CNTN4: variants seen among roughly 807,000 people sequenced by gnomAD.
CNTN4 encodes the protein contactin 4, also known as contactin-4.
Under a neutral mutation model 122.5 loss-of-function variants are expected in CNTN4, and 77 were observed. The ratio of observed to expected loss-of-function variants is 0.63; its 90% CI spans 0.52 to 0.76. The LOEUF (loss-of-function observed/expected upper bound fraction) is 0.76. Ranked by LOEUF, CNTN4 falls within the 30% of genes least tolerant of loss-of-function variation. CNTN4 has a pLI of 0.00. For missense variants in CNTN4, 1,256 were observed against 1,259.1 expected, an observed-to-expected ratio of 1.00 and a Z score of 0.04; for synonymous variants, 512 against 447.0, an observed-to-expected ratio of 1.15 and a Z score of -1.83.
chr3:2,651,370 C>G (rs1351267889), intron 4 of CNTN4, among the ~76,000 whole-genome samples: 2 of 152,164 alleles, frequency 1.3e-5, no homozygotes, highest in African/African-American at 2.4e-5. Flanking sequence ...CTCTCCTTCT[C>G]CCAAAAATAG....
intron 7 of CNTN4, among the ~76,000 whole-genome samples, chr3:2,856,120 C>T (rs562772698): frequency 3.1e-4 from 47 of 152,234 alleles, no homozygotes; most frequent in African/African-American, 9.6e-4. Context: ...AATTCCACTT[C>T]GATTCAACTA....
chr3:2,887,015 C>A, intron 9 of CNTN4, 25 bp from the exon 10 acceptor site: 1 of 1,604,844 alleles, frequency 6.2e-7, no homozygotes, highest in South Asian at 1.1e-5. Flanking sequence ...TAGTTTGATT[C>A]ACTCCTTTTT....
intron 4 of CNTN4, among the ~76,000 whole-genome samples, chr3:2,713,364 C>G (rs2087271907): frequency 6.6e-6 from 1 of 152,038 alleles, no homozygotes; most frequent in Admixed American, 6.6e-5. Context: ...TCAGTTTTTT[C>G]TAAACACAAG....
chr3:2,947,518 A>G (rs1449781183), intron 13 of CNTN4, among the ~76,000 whole-genome samples: 1 of 152,224 alleles, frequency 6.6e-6, no homozygotes, highest in East Asian at 1.9e-4. Flanking sequence ...CACATCTATA[A>G]TAGTACAGTG....
intron 6 of CNTN4, among the ~76,000 whole-genome samples, chr3:2,800,804 C>T (rs753129328): frequency 6.6e-6 from 1 of 152,160 alleles, no homozygotes; most frequent in Non-Finnish European, 1.5e-5. Flanking sequence ...CTGTGATATT[C>T]CTCAAACATG....
intron 18 of CNTN4, chr3:3,037,675 G>A (rs1252110139): frequency 2.8e-6 from 1 of 353,430 alleles, no homozygotes; most frequent in African/African-American, 2.1e-5. Context: ...TCTCACATAA[G>A]TAACTAATGG....
intron 3 of CNTN4, among the ~76,000 whole-genome samples, chr3:2,547,367 G>A (rs890725604): frequency 6.6e-5 from 10 of 151,906 alleles, no homozygotes; most frequent in East Asian, 1.9e-4. Context: ...GCATTCAAGC[G>A]ATTCTTTGGC....
intron 2 of CNTN4, among the ~76,000 whole-genome samples, chr3:2,144,914 C>G (rs1321853706): frequency 2.6e-5 from 4 of 152,144 alleles, no homozygotes; most frequent in Non-Finnish European, 5.9e-5. Context: ...CAGGAATACA[C>G]GAGCAGGGAA....
intron 4 of CNTN4, among the ~76,000 whole-genome samples, chr3:2,657,543 A>G (rs961329540): frequency 3.9e-5 from 6 of 152,212 alleles, no homozygotes; most frequent in African/African-American, 1.4e-4. Flanking sequence ...GATCAGCTGC[A>G]TGAAAACAAG....
chr3:2,267,265 T>G (rs2041091484), intron 2 of CNTN4, among the ~76,000 whole-genome samples: 1 of 152,158 alleles, frequency 6.6e-6, no homozygotes, highest in African/African-American at 2.4e-5. Flanking sequence ...AATTGACCTG[T>G]GTGTGTTTGG....
Position 2,571,498 on chromosome 3 carries a change from C to G in CNTN4, c.-6C>G, listed in dbSNP as rs538749809. The G allele has an allele frequency of 8.7e-6, 14 of 1,611,748 alleles. 1 individual carries two copies. The highest frequency in any genetic ancestry group is 1.2e-5 in the Non-Finnish European group (14 of 1,177,940). ...TTGAAACTCCCTTTGACCTCGGAAA[C>G]TGAAGATGAGGTTGCCATGGGAACT... On this transcript the variant is annotated 5_prime_UTR_variant, in exon 4 of 25. Transcript: ENST00000418658.
At chr3:2,559,006 G>T (rs1002380253) in intron 3 of CNTN4, among the ~76,000 whole-genome samples, 1 of 152,188 alleles carries the variant, frequency 6.6e-6, no homozygotes, top group African/African-American at 2.4e-5. Context: ...GAACCAGTTA[G>T]TGTTTGCCCG....
At chr3:2,170,059 C>T (rs145370845) in intron 2 of CNTN4, among the ~76,000 whole-genome samples, 2,824 of 152,080 alleles carry the variant, frequency 0.019, 24 homozygotes, top group Middle Eastern at 0.034. Flanking sequence ...CGGTGGCTCA[C>T]GCCTGTAATC....
intron 3 of CNTN4, among the ~76,000 whole-genome samples, chr3:2,497,469 C>G (rs1246393400): frequency 6.6e-6 from 1 of 152,154 alleles, no homozygotes; most frequent in Non-Finnish European, 1.5e-5. Context: ...CTCACCTTGA[C>G]TTGTATAATG....
At chr3:3,010,000 C>CACAGA (rs1406039642) in intron 14 of CNTN4, among the ~76,000 whole-genome samples, 2 of 150,506 alleles carry the variant, frequency 1.3e-5, no homozygotes, top group Admixed American at 1.3e-4. Context: ...TTTGGAAGAA[C>CACAGA]ACAGAACTCA....
Position 2,467,209 on chromosome 3 carries a change from G to C in CNTN4, c.-88-104207G>C, listed in dbSNP as rs946558531. On this transcript the variant is annotated intron_variant, in intron 3 of 24. Coordinates refer to ENST00000418658, the MANE Select transcript of CNTN4 (RefSeq NM_175607.3). ...CAAAATACCCAAGGGTATGAATATT[G>C]ATGAGATTCCTAAATTGGTGCACTT... Among the ~76,000 whole-genome samples, 7 of 146,078 alleles carry C rather than the reference G, an allele frequency of 4.8e-5. No individual in the cohort carries two copies. In the Admixed American group the frequency reaches 4.9e-4, roughly 10 times the overall value.
chr3:2,306,415 C>T (rs139329417), intron 2 of CNTN4, among the ~76,000 whole-genome samples: 71 of 152,224 alleles, frequency 4.7e-4, no homozygotes, highest in African/African-American at 1.6e-3. Flanking sequence ...GAGCATCTTT[C>T]ATGTACTTGT....
intron 13 of CNTN4, among the ~76,000 whole-genome samples, chr3:2,934,772 T>A (rs1364536484): frequency 6.6e-6 from 1 of 152,226 alleles, no homozygotes; most frequent in African/African-American, 2.4e-5. Context: ...TTCATCTCCA[T>A]AATAATGGAA....
chr3:2,756,424 A>G (rs1250093663), intron 6 of CNTN4, among the ~76,000 whole-genome samples: 2 of 152,296 alleles, frequency 1.3e-5, no homozygotes, highest in East Asian at 1.9e-4. Context: ...GAGCCCTCAC[A>G]AGGCAAGAAA....
Sources: gnomAD v4.1 joint callset for allele counts (sites outside exome capture counted in the v4.1 genomes callset) on GRCh38, gnomAD v4.1.1 for gene constraint, MANE v1.5 for transcripts, NCBI Gene and HGNC (gene_info 2026-07-23, HGNC 2026-07-21) for gene names.